CACNG3: variants seen among roughly 807,000 people sequenced by gnomAD.
The protein encoded by CACNG3 is calcium voltage-gated channel auxiliary subunit gamma 3.
Under a neutral mutation model 28.5 loss-of-function variants are expected in CACNG3, and 3 were observed. The observed-to-expected ratio is 0.11, with a 90% CI of 0.05 to 0.27. CACNG3 has a LOEUF of 0.27. Among genes scored for constraint, CACNG3 ranks in the 10% least tolerant of loss-of-function variants. CACNG3 has a pLI of 1.00. For missense variants in CACNG3, 236 were observed against 414.4 expected, an observed-to-expected ratio of 0.57 and a Z score of 3.74; for synonymous variants, 174 against 162.2, an observed-to-expected ratio of 1.07 and a Z score of -0.55.
At position 24,361,631 on chromosome 16, in the gene CACNG3, C is replaced by T. The variant is rs1409691606; in HGVS notation, c.716C>T (p.Ser239Phe). ...TTCCGGAGGCGGTCAAGTTCTCGCT[C>T]CACCGAGCCCAGATCCCGAGACCTG... ...YRFRRRSSSRSTEPRSRDLSP... is the reference protein window; with the variant it reads ...YRFRRRSSSRFTEPRSRDLSP... Residue 239 changes from serine to phenylalanine, a missense_variant, in exon 4 of 4, where the codon TCC becomes TTC. This residue lies in a region of CACNG3 where 116 missense variants were observed against 151.0 expected (regional missense o/e 0.77). Coordinates refer to ENST00000005284, the MANE Select transcript of CACNG3 (RefSeq NM_006539.4). This position sits in a 1 kb window ranked among gnomAD's most constrained non-coding sequence, Gnocchi z 6.8. 1.2e-6 allele frequency: 2 copies of T among 1,613,708 alleles called. No homozygotes were observed. The highest frequency in any genetic ancestry group is 1.7e-6 in the Non-Finnish European group (2 of 1,179,822).
chr16:24,312,948 AAAGAAAG>A (rs1899288616), intron 1 of CACNG3, among the ~76,000 whole-genome samples: 2 of 86,718 alleles, frequency 2.3e-5, no homozygotes, highest in South Asian at 8.8e-4. Flanking sequence ...AGAAAGAAAG[AAAGAAAG>A]AGAAAGAAAG....
chr16:24,286,407 GAC>G (rs34888406), intron 1 of CACNG3, among the ~76,000 whole-genome samples: 63,853 of 136,134 alleles, frequency 0.47, 14,231 homozygotes, highest in East Asian at 0.69. Flanking sequence ...TTAAATGAAG[GAC>G]ACACACACAC....
At chr16:24,341,228 T>C (rs1005035435) in intron 1 of CACNG3, among the ~76,000 whole-genome samples, 4 of 152,256 alleles carry the variant, frequency 2.6e-5, no homozygotes, top group Non-Finnish European at 5.9e-5. Context: ...TGGTTATTTC[T>C]GGGAGCCAGC....
At chr16:24,345,679 G>A (rs9796759) in intron 1 of CACNG3, among the ~76,000 whole-genome samples, 25,613 of 152,196 alleles carry the variant, frequency 0.17, 2,775 homozygotes, top group South Asian at 0.32. Flanking sequence ...CAAACTGGGC[G>A]ACAAGAGAGA....
At chr16:24,342,953 G>A (rs77755749) in intron 1 of CACNG3, among the ~76,000 whole-genome samples, 3,025 of 152,176 alleles carry the variant, frequency 0.02, 97 homozygotes, top group African/African-American at 0.069. Context: ...ACTTCAGGAG[G>A]CTGAGGCAGG....
In CACNG3 at chr16:24,361,930, G is replaced by A; in HGVS notation, c.*67G>A. On this transcript the variant is annotated 3_prime_UTR_variant, in exon 4 of 4. Transcript: ENST00000005284. The surrounding 1 kb of genome is among the most constrained non-coding windows in gnomAD (Gnocchi z 6.8). The stretch of plus-strand genomic sequence containing the variant: ...GGGAAGTGTACAGAGATGTCTCTGA[G>A]GTTGCATGGCATGGTCCTTGTGATG... 2 of 1,436,064 alleles carry A rather than the reference G, an allele frequency of 1.4e-6. No individual in the cohort carries two copies. Among genetic ancestry groups the A allele is most frequent in the Non-Finnish European group, 1.9e-6 (2 of 1,067,068 alleles). The allele number at this position is 1,436,064 out of a possible 1,614,324, so 89.0% of individuals were successfully genotyped here.
At chr16:24,319,643 A>G (rs1285926582) in intron 1 of CACNG3, among the ~76,000 whole-genome samples, 1 of 151,992 alleles carries the variant, frequency 6.6e-6, no homozygotes, top group Non-Finnish European at 1.5e-5. Flanking sequence ...TCATAGAGAT[A>G]GAGTCTTGCT....
chr16:24,311,669 A>C (rs1368415274), intron 1 of CACNG3, among the ~76,000 whole-genome samples: 2 of 152,086 alleles, frequency 1.3e-5, no homozygotes, highest in African/African-American at 4.8e-5. Flanking sequence ...CAGCCTGGCC[A>C]ACCTGGTGAA....
rs541800330 is a variant in CACNG3, at chr16:24,362,220, C to T, written c.*357C>T. 7.3e-5 allele frequency: 14 copies of T among 190,702 alleles called. No homozygotes were observed. Among genetic ancestry groups the T allele is most frequent in the Non-Finnish European group, 1.4e-4 (13 of 92,438 alleles). The allele number at this position is 190,702 out of a possible 1,614,324, so 11.8% of individuals were successfully genotyped here. Reference sequence around the variant, plus strand: ...GGGGGATTTCCGAATCTCCATCAGGCGCGCTCATAGTTGTCCCCATTGTCT... The same window carrying T: ...GGGGGATTTCCGAATCTCCATCAGGTGCGCTCATAGTTGTCCCCATTGTCT... On this transcript the variant is annotated 3_prime_UTR_variant, in exon 4 of 4. Transcript: ENST00000005284.
At chr16:24,348,238 A>AT (rs200432788) in intron 2 of CACNG3, among the ~76,000 whole-genome samples, 19,772 of 147,304 alleles carry the variant, frequency 0.13, 2,230 homozygotes, top group African/African-American at 0.29. Context: ...ACTCTACAGA[A>AT]TTTTTTTTTT....
intron 1 of CACNG3, among the ~76,000 whole-genome samples, chr16:24,272,643 A>T (rs1007441296): frequency 9.2e-5 from 14 of 152,302 alleles, no homozygotes; most frequent in African/African-American, 3.4e-4. Flanking sequence ...TTATTAAGAC[A>T]TTTAATCATG....
At chr16:24,323,497 A>G (rs1001327933) in intron 1 of CACNG3, among the ~76,000 whole-genome samples, 2 of 152,150 alleles carry the variant, frequency 1.3e-5, no homozygotes, top group Non-Finnish European at 2.9e-5. Context: ...AACAAAGAAA[A>G]CTGAAGCTCA....
chr16:24,306,456 C>T (rs1484571320), intron 1 of CACNG3, among the ~76,000 whole-genome samples: 4 of 152,112 alleles, frequency 2.6e-5, no homozygotes. Flanking sequence ...ACAGGGGACG[C>T]CTGGCAGTTA....
chr16:24,265,350 G>GGAAA (rs3060119), intron 1 of CACNG3, among the ~76,000 whole-genome samples: 85,128 of 138,480 alleles, frequency 0.61, 26,334 homozygotes, highest in African/African-American at 0.76. Context: ...GAAAGAAAAA[G>GGAAA]GAAAGAAAGA....
rs150980462 is a variant in CACNG3 at position 24,299,223 on chromosome 16, C to T, written c.211+42258C>T. On this transcript the variant is annotated intron_variant, in intron 1 of 3. Transcript: ENST00000005284. Reference sequence around the variant, plus strand: ...TCCCCCATAGGCTTATTTATTTATTCATTTATTTACATCAGTATGGACTCA... The same window carrying T: ...TCCCCCATAGGCTTATTTATTTATTTATTTATTTACATCAGTATGGACTCA... Among the ~76,000 whole-genome samples the T allele has an allele frequency of 6.3e-3, 957 of 152,172 alleles. 9 individuals carry two copies. Among genetic ancestry groups the T allele is most frequent in the African/African-American group, 0.022 (894 of 41,526 alleles).
chr16:24,298,341 T>G (rs1482380684), intron 1 of CACNG3, among the ~76,000 whole-genome samples: 1 of 152,118 alleles, frequency 6.6e-6, no homozygotes, highest in Non-Finnish European at 1.5e-5. Flanking sequence ...GTACCATAAA[T>G]TATTTAGTTA....
In CACNG3 at chr16:24,343,104, G is replaced by A. The variant is rs774686847; in HGVS notation, c.212-3630G>A. Among the ~76,000 whole-genome samples the A allele has an allele frequency of 8.5e-5, 13 of 152,168 alleles. No individual in the cohort carries two copies. The South Asian group carries it at 1.7e-3, about 19-fold the overall frequency. On this transcript the variant is annotated intron_variant, in intron 1 of 3. Transcript: ENST00000005284. ...CTTGGGAGGCTGAGGCAGGAGAATC[G>A]CTTGAACTGGGGAGGCGGAGGTTGC...
chr16:24,337,158 T>C (rs1466673473), intron 1 of CACNG3, among the ~76,000 whole-genome samples: 1 of 152,250 alleles, frequency 6.6e-6, no homozygotes, highest in Admixed American at 6.5e-5. Flanking sequence ...ACGTGAGCAT[T>C]CAGTCCATTG....
intron 1 of CACNG3, among the ~76,000 whole-genome samples, chr16:24,308,070 C>T (rs1266321284): frequency 1.3e-5 from 2 of 152,148 alleles, no homozygotes; most frequent in African/African-American, 4.8e-5. Context: ...CCACGGCACT[C>T]TGAACTGTTG....
Sources: allele counts gnomAD v4.1 joint callset (sites outside exome capture counted in the v4.1 genomes callset), GRCh38; gene constraint gnomAD v4.1.1; regional missense constraint gnomAD v4.1.1; non-coding constraint Gnocchi (gnomAD v3.1); transcripts MANE v1.5; gene names NCBI Gene and HGNC (gene_info 2026-07-23, HGNC 2026-07-21).